Variants in BAZ2A observed in about 807,000 individuals in gnomAD.
BAZ2A encodes the protein bromodomain adjacent to zinc finger domain 2A, also known as bromodomain adjacent to zinc finger domain protein 2A.
A neutral mutation model predicts 199.9 loss-of-function variants in BAZ2A; 34 were observed. The ratio of observed to expected loss-of-function variants is 0.17; its 90% CI spans 0.13 to 0.23. BAZ2A has a LOEUF of 0.23. Among genes scored for constraint, BAZ2A ranks in the 10% least tolerant of loss-of-function variants. The pLI, the probability that BAZ2A is intolerant of heterozygous loss-of-function variation, is 1.00. For synonymous variants in BAZ2A, 857 were observed against 883.9 expected (o/e 0.97, Z 0.54); for missense variants, 2,002 against 2,391.1 (o/e 0.84, Z 3.39).
At chr12:56,627,424 C>G (rs1284928587) in intron 1 of BAZ2A, among the ~76,000 whole-genome samples, 1 of 150,014 alleles carries the variant, frequency 6.7e-6, no homozygotes, top group Non-Finnish European at 1.5e-5. Context: ...CCAGATGGTG[C>G]CACCGTACTC....
chr12:56,634,846 C>G (rs1277299558), upstream of BAZ2A: 12 of 937,388 alleles, frequency 1.3e-5, no homozygotes, highest in Admixed American at 7.4e-4. Flanking sequence ...GGGGGAGAGT[C>G]AGATCCCGAA....
intron 27 of BAZ2A, 49 bp from the exon 28 acceptor site, chr12:56,599,060 T>C (rs1282044032): frequency 9.4e-6 from 15 of 1,603,014 alleles, no homozygotes; most frequent in Non-Finnish European, 1.2e-5. Context: ...GCAAATATAC[T>C]GACCCCTCCC....
chr12:56,600,477 G>C lies in BAZ2A; in HGVS notation c.4616C>G (p.Pro1539Arg). 6.2e-7 allele frequency: 1 copy of C among 1,613,024 alleles called. No homozygotes were observed. Among genetic ancestry groups the C allele is most frequent in the Non-Finnish European group, 8.5e-7 (1 of 1,179,520 alleles). Residue 1539 changes from proline to arginine, a missense_variant, in exon 24 of 29, where the codon CCT becomes CGT. Pro to Arg is a moderately radical substitution (Grantham distance 103). Coordinates refer to ENST00000549884, the MANE Select transcript of BAZ2A (RefSeq NM_001300905.2). The part of the protein sequence containing the change: ...SDLQIRGWTC[P>R]SPDSTREDLA... ...GTCTTCACGGGTAGAGTCTGGGCTAGGACATGTCCAGCCCTTCAGTTAAGA... is the reference window on the plus strand; with the variant it reads ...GTCTTCACGGGTAGAGTCTGGGCTACGACATGTCCAGCCCTTCAGTTAAGA...
In BAZ2A at chr12:56,605,872, T is replaced by C. The variant is rs369586338; in HGVS notation, c.2451A>G (p.Glu817=). ...ERQRQQMILE[E]MKKPTEDMCL... ...ACATATCCTCTGTCGGCTTCTTCAT[T>C]TCCTCCAAGATCATCTGCTGCCTCT... The change falls in exon 13 of 29, where the codon GAA becomes GAG. Residue 817 remains glutamate (E), a synonymous_variant. Transcript: ENST00000549884. 104 of 1,604,830 alleles carry C rather than the reference T, an allele frequency of 6.5e-5. No individual in the cohort carries two copies. Among genetic ancestry groups the C allele is most frequent in the Non-Finnish European group, 8.5e-5 (100 of 1,175,496 alleles).
rs1014534345 is a variant in BAZ2A, at chr12:56,630,181, G to T, written c.-59C>A. 1.0e-6 allele frequency: 1 copy of T among 985,638 alleles called. No individual in the cohort carries two copies. Among genetic ancestry groups the T allele is most frequent in the African/African-American group, 1.7e-5 (1 of 57,378 alleles). The allele number at this position is 985,638 out of a possible 1,614,324, so 61.1% of individuals were successfully genotyped here. A position where few individuals can be genotyped will look rare whatever the true frequency, so the allele number is the denominator to read the frequency against. Reference sequence around the variant, plus strand: ...CTCGTCTCTCCCCGGGGTACAAGCGGTTCACATGGCCGCGCTCCGGGCGCC... The same window carrying T: ...CTCGTCTCTCCCCGGGGTACAAGCGTTTCACATGGCCGCGCTCCGGGCGCC... On this transcript the variant is annotated 5_prime_UTR_variant, in exon 1 of 29. Coordinates refer to ENST00000549884, the MANE Select transcript of BAZ2A (RefSeq NM_001300905.2).
chr12:56,608,643 C>A (rs1218891785), intron 10 of BAZ2A, among the ~76,000 whole-genome samples: 3 of 151,634 alleles, frequency 2.0e-5, no homozygotes, highest in Non-Finnish European at 4.4e-5. Context: ...GATCTCAGCT[C>A]ACTGCAACCT....
chr12:56,603,492 C>T (rs766312600), intron 17 of BAZ2A, 28 bp downstream of exon 17: 35 of 1,613,838 alleles, frequency 2.2e-5, no homozygotes, highest in Non-Finnish European at 3.0e-5. Context: ...TTTTCTAACT[C>T]CCACTTTCCT....
At chr12:56,620,803 G>A (rs887366283) in intron 1 of BAZ2A, among the ~76,000 whole-genome samples, 19 of 151,900 alleles carry the variant, frequency 1.3e-4, no homozygotes, top group South Asian at 2.1e-4. Context: ...TCAAGTGATC[G>A]ACCCACCGCG....
chr12:56,604,628 C>T lies in BAZ2A; in HGVS notation c.2920G>A (p.Ala974Thr). The T allele has an allele frequency of 3.7e-6, 6 of 1,605,290 alleles. No individual in the cohort carries two copies. The highest frequency in any genetic ancestry group is 5.1e-6 in the Non-Finnish European group (6 of 1,175,898). ...QPPQQKAAVL[A>T]FLVHELNGST... ...CCATTGAGCTCATGCACAAGGAAGG[C>T]CAGGACAGCAGCCTTCTGCTGGGGT... Residue 974 changes from alanine (A) to threonine (T), a missense_variant, in exon 15 of 29, where the codon GCC (alanine) becomes ACC (threonine). Physicochemically the swap from Ala to Thr is moderately conservative, Grantham distance 58. Around this residue, in one of 6 missense-constraint regions of BAZ2A, gnomAD observed 1,081 missense variants for 1,274.7 expected, o/e 0.85. Coordinates refer to ENST00000549884, the MANE Select transcript of BAZ2A (RefSeq NM_001300905.2).
chr12:56,636,551 T>C (rs1178496208), upstream of BAZ2A, among the ~76,000 whole-genome samples: 1 of 151,900 alleles, frequency 6.6e-6, no homozygotes, highest in African/African-American at 2.4e-5. Context: ...TAGTTGCAGC[T>C]ACTGAGAGGG....
chr12:56,624,898 T>TA (rs952948721), intron 1 of BAZ2A, among the ~76,000 whole-genome samples: 5 of 152,008 alleles, frequency 3.3e-5, no homozygotes, highest in Admixed American at 6.5e-5. Context: ...TTCAACCAAA[T>TA]AAAAAAATAA....
chr12:56,599,688 AG>A lies in BAZ2A; in HGVS notation c.5172+13del. On this transcript the variant is annotated intron_variant, in intron 26 of 28. Transcript: ENST00000549884. ...TTCTGTTTGAGTGTGGGAAAGAAAG[AG>A]CAGAAGCCTTACCTGAGCCAAACAG... is the stretch of plus-strand genomic sequence containing the variant. The A allele has an allele frequency of 6.2e-7, 1 of 1,612,792 alleles. No individual in the cohort carries two copies. The highest frequency in any genetic ancestry group is 8.5e-7 in the Non-Finnish European group (1 of 1,179,814).
Position 56,600,483 on chromosome 12 carries a change from G to C in BAZ2A, c.4610C>G (p.Thr1537Arg). Residue 1537 changes from threonine (T) to arginine (R), a missense_variant, in exon 24 of 29, where the codon ACA becomes AGA. Thr to Arg is a moderately conservative substitution (Grantham distance 71). This residue lies in a region of BAZ2A where 1,081 missense variants were observed against 1,274.7 expected (regional missense o/e 0.85). Transcript: ENST00000549884. Reference protein sequence around the residue: ...IMSDLQIRGWTCPSPDSTRED... With the variant: ...IMSDLQIRGWRCPSPDSTRED... Reference sequence around the variant, plus strand: ...ACGGGTAGAGTCTGGGCTAGGACATGTCCAGCCCTTCAGTTAAGAGAGAGG... The same window carrying C: ...ACGGGTAGAGTCTGGGCTAGGACATCTCCAGCCCTTCAGTTAAGAGAGAGG... The C allele has an allele frequency of 6.2e-7, 1 of 1,612,430 alleles. No homozygotes were observed. Among genetic ancestry groups the C allele is most frequent in the Non-Finnish European group, 8.5e-7 (1 of 1,179,204 alleles).
intron 7 of BAZ2A, 182 bp downstream of exon 7, chr12:56,611,388 AGAG>A: frequency 3.1e-6 from 2 of 649,272 alleles, no homozygotes; most frequent in Non-Finnish European, 5.3e-6. Flanking sequence ...ACAGACCTTG[AGAG>A]AAGAAGGAAA....
upstream of BAZ2A, among the ~76,000 whole-genome samples, chr12:56,637,975 T>C (rs1862274213): frequency 6.6e-6 from 1 of 152,260 alleles, no homozygotes; most frequent in East Asian, 1.9e-4. Context: ...AAAATCTAAT[T>C]GTTGAAAACA....
chr12:56,601,289 A>T lies in BAZ2A; in HGVS notation c.4185T>A (p.Ser1395Arg). The T allele has an allele frequency of 6.2e-7, 1 of 1,613,558 alleles. No individual in the cohort carries two copies. The highest frequency in any genetic ancestry group is 8.5e-7 in the Non-Finnish European group (1 of 1,179,808). Residue 1395 changes from serine to arginine, a missense_variant, in exon 21 of 29, where the codon AGT (serine) becomes AGA (arginine). This residue lies in a region of BAZ2A where 1,081 missense variants were observed against 1,274.7 expected (regional missense o/e 0.85). Transcript: ENST00000549884. ...GTTTGGGCTGTCCCAGCCCTGTGGG[A>T]CTCTGTGGCATTTCTCCAGGGTCTC... ...RAGDPGEMPQ[S>R]PTGLGQPKRR...
At position 56,601,125 on chromosome 12, in the gene BAZ2A, G is replaced by A. The variant is rs761203428; in HGVS notation, c.4295-27C>T. On this transcript the variant is annotated intron_variant, in intron 21 of 28. Coordinates refer to ENST00000549884, the MANE Select transcript of BAZ2A (RefSeq NM_001300905.2). Reference sequence around the variant, plus strand: ...TGTGAGCAGATGAGATATATGTGGGGCGCCAGCTGTGAAGCACTGCCCACA... The same window carrying A: ...TGTGAGCAGATGAGATATATGTGGGACGCCAGCTGTGAAGCACTGCCCACA... 7 of 1,613,714 alleles carry A rather than the reference G, an allele frequency of 4.3e-6. 1 individual carries two copies. The Admixed American group carries it at 8.3e-5, about 19-fold the overall frequency.
Position 56,597,677 on chromosome 12 carries a change from GCTCT to G in BAZ2A, c.*937_*940del, listed in dbSNP as rs1391665163. 43 of 123,216 alleles carry G rather than the reference GCTCT, an allele frequency of 3.5e-4. No individual in the cohort carries two copies. The highest frequency in any genetic ancestry group is 3.8e-3 in the Middle Eastern group (1 of 266). 7.6% of individuals were successfully genotyped at this position (123,216 alleles called of 1,614,324 possible). A position where few individuals can be genotyped will look rare whatever the true frequency, so the allele number is the denominator to read the frequency against. ...ACACACACACACACACACACACAGC[GCTCT>G]CTCTGAGGCCGGCCCCATTGCTACC... On this transcript the variant is annotated 3_prime_UTR_variant, in exon 29 of 29. Transcript: ENST00000549884.
intron 9 of BAZ2A, 48 bp from the exon 10 acceptor site, chr12:56,609,994 C>G (rs889153767): frequency 6.2e-7 from 1 of 1,606,120 alleles, no homozygotes; most frequent in Non-Finnish European, 8.5e-7. Context: ...TCAGTGCAGG[C>G]CACGAGGCCC....
Sources: allele counts gnomAD v4.1 joint callset (sites outside exome capture counted in the v4.1 genomes callset), GRCh38; gene constraint gnomAD v4.1.1; regional missense constraint gnomAD v4.1.1; transcripts MANE v1.5; gene names NCBI Gene and HGNC (gene_info 2026-07-23, HGNC 2026-07-21).